EDC3: variants seen among roughly 807,000 people sequenced by gnomAD.
EDC3 encodes enhancer of mRNA-decapping protein 3.
A neutral mutation model predicts 41.8 loss-of-function variants in EDC3; 20 were observed. That is an observed-to-expected ratio of 0.48 (90% CI 0.34 to 0.70). The LOEUF (loss-of-function observed/expected upper bound fraction) is 0.70, where lower values mean the gene tolerates loss of function less well. Ranked by LOEUF, EDC3 falls within the 30% of genes least tolerant of loss-of-function variation. EDC3 has a pLI of 0.01. For missense variants in EDC3, 444 were observed against 636.8 expected (o/e 0.70, Z 3.26); for synonymous variants, 206 against 243.2 (o/e 0.85, Z 1.42).
rs571735124 is a variant in EDC3 at position 74,640,861 on chromosome 15, T to C, written c.821-242A>G. 2.1e-5 allele frequency: 11 copies of C among 517,060 alleles called. No homozygotes were observed. The East Asian group carries it at 3.9e-4, about 18-fold the overall frequency. The allele number at this position is 517,060 out of a possible 1,614,324, so 32.0% of individuals were successfully genotyped here. On this transcript the variant is annotated intron_variant, in intron 4 of 6. Transcript: ENST00000315127. The stretch of plus-strand genomic sequence containing the variant: ...GAGTGGGGACAAACTTAAGCTCCCT[T>C]AGCAATTTAGCTTTAGACCACAAAG...
chr15:74,693,971 A>G (rs2063037765), intron 1 of EDC3, among the ~76,000 whole-genome samples: 1 of 151,514 alleles, frequency 6.6e-6, no homozygotes, highest in Non-Finnish European at 1.5e-5. Context: ...TGGGCAATGG[A>G]GTGAGACTCC....
chr15:74,678,335 T>A (rs1567178001), intron 1 of EDC3, among the ~76,000 whole-genome samples: 1 of 152,038 alleles, frequency 6.6e-6, no homozygotes, highest in African/African-American at 2.4e-5. Flanking sequence ...GGGACAACAG[T>A]GAGATATATG....
intron 4 of EDC3, among the ~76,000 whole-genome samples, chr15:74,648,300 T>C (rs2062440498): frequency 6.6e-6 from 1 of 152,168 alleles, no homozygotes; most frequent in African/African-American, 2.4e-5. Flanking sequence ...AAGCCTTAGA[T>C]TACTTCTAGA....
Position 74,644,872 on chromosome 15 carries a change from C to T in EDC3, c.821-4253G>A, listed in dbSNP as rs190834505. The T allele has an allele frequency of 1.4e-4, 22 of 152,216 alleles. No individual in the cohort carries two copies. In the East Asian group the frequency reaches 4.3e-3, roughly 29 times the overall value. The allele number at this position is 152,216 out of a possible 1,614,324, so 9.4% of individuals were successfully genotyped here. ...TACGAGGAAGAAATCTGGTGGTCAA[C>T]ACCTTACCAAGTGGTCAAACAGCCC... is the stretch of plus-strand genomic sequence containing the variant. On this transcript the variant is annotated intron_variant, in intron 4 of 6. Transcript: ENST00000315127.
rs753131832 is a variant in EDC3, at chr15:74,656,025, T to C, written c.528A>G (p.Lys176=). The change falls in exon 4 of 7, where the codon AAA becomes AAG. Residue 176 remains lysine, a synonymous_variant. Transcript: ENST00000315127. ...TCATCTGGCCATTCTTTAAACCACTTTTCTTGGGAGTTGCCTGATTTGGGT... is the reference window on the plus strand; with the variant it reads ...TCATCTGGCCATTCTTTAAACCACTCTTCTTGGGAGTTGCCTGATTTGGGT... ...SRHPNQATPK[K]SGLKNGQMKN... 2.2e-5 allele frequency: 35 copies of C among 1,613,124 alleles called. No individual in the cohort carries two copies. Among genetic ancestry groups the C allele is most frequent in the Non-Finnish European group, 2.9e-5 (34 of 1,179,540 alleles).
intron 3 of EDC3, among the ~76,000 whole-genome samples, chr15:74,670,999 C>T (rs1012568090): frequency 1.3e-5 from 2 of 152,106 alleles, no homozygotes; most frequent in Admixed American, 1.3e-4. Flanking sequence ...AACTCAAACA[C>T]TACTACCAAC....
intron 1 of EDC3, among the ~76,000 whole-genome samples, chr15:74,687,992 C>T (rs551520508): frequency 6.6e-6 from 1 of 152,278 alleles, no homozygotes; most frequent in South Asian, 2.1e-4. Context: ...GAATTTTTAA[C>T]ACTTTGAAAA....
At chr15:74,661,746 A>AG (rs2062623989) in intron 3 of EDC3, among the ~76,000 whole-genome samples, 1 of 151,064 alleles carries the variant, frequency 6.6e-6, no homozygotes, top group Non-Finnish European at 1.5e-5. Flanking sequence ...AAAAAAAAGA[A>AG]AAAGAAAAAG....
chr15:74,674,272 T>G (rs908306483), intron 2 of EDC3, among the ~76,000 whole-genome samples: 21 of 152,228 alleles, frequency 1.4e-4, no homozygotes, highest in Admixed American at 6.5e-4. Flanking sequence ...ACCCAGCTAA[T>G]TTTTAAAATT....
rs910826611 is a variant in EDC3, at chr15:74,631,235, C to T, written c.*1377G>A. 6.6e-6 allele frequency: 1 copy of T among 152,462 alleles called. No individual in the cohort carries two copies. Among genetic ancestry groups the T allele is most frequent in the African/African-American group, 2.4e-5 (1 of 41,480 alleles). The allele number at this position is 152,462 out of a possible 1,614,324, so 9.4% of individuals were successfully genotyped here. On this transcript the variant is annotated 3_prime_UTR_variant, in exon 7 of 7. Transcript: ENST00000315127. ...CCAGGGCCTACCCTATGTCCACAATCCTTGGTGAGCCCTTCTGTCCACCCA... is the reference window on the plus strand; with the variant it reads ...CCAGGGCCTACCCTATGTCCACAATTCTTGGTGAGCCCTTCTGTCCACCCA...
At chr15:74,633,936 T>C (rs961097621) in intron 6 of EDC3, among the ~76,000 whole-genome samples, 3 of 152,080 alleles carry the variant, frequency 2.0e-5, no homozygotes, top group Non-Finnish European at 4.4e-5. Flanking sequence ...GAGAGTGGCA[T>C]CCTATCTTCT....
chr15:74,683,785 A>C (rs1331221822), intron 1 of EDC3, among the ~76,000 whole-genome samples: 2 of 152,198 alleles, frequency 1.3e-5, no homozygotes, highest in African/African-American at 4.8e-5. Flanking sequence ...ATGTATAATC[A>C]TATCAATAAA....
chr15:74,645,952 A>AG (rs1452972304), intron 4 of EDC3, among the ~76,000 whole-genome samples: 2 of 152,180 alleles, frequency 1.3e-5, no homozygotes, highest in Admixed American at 1.3e-4. Context: ...ATAGAGTAAC[A>AG]GTACATCAAG....
chr15:74,664,096 T>C (rs2062652460), intron 3 of EDC3, among the ~76,000 whole-genome samples: 1 of 152,164 alleles, frequency 6.6e-6, no homozygotes, highest in African/African-American at 2.4e-5. Context: ...GAAAGCAGAG[T>C]GTGAAAAATA....
At chr15:74,693,894 GA>G (rs1567186964) in intron 1 of EDC3, among the ~76,000 whole-genome samples, 1 of 151,942 alleles carries the variant, frequency 6.6e-6, no homozygotes, top group African/African-American at 2.4e-5. Context: ...TGAGGCAGGA[GA>G]ATCGCTTGAA....
At chr15:74,680,437 C>T (rs1190266003) in intron 1 of EDC3, among the ~76,000 whole-genome samples, 1 of 151,982 alleles carries the variant, frequency 6.6e-6, no homozygotes, top group African/African-American at 2.4e-5. Context: ...TTGACAAAAT[C>T]GAACACCCAT....
chr15:74,653,822 C>T (rs1450003156), intron 4 of EDC3, among the ~76,000 whole-genome samples: 1 of 152,150 alleles, frequency 6.6e-6, no homozygotes, highest in Non-Finnish European at 1.5e-5. Flanking sequence ...AAAATTTCTA[C>T]CTCTGCTTTT....
At chr15:74,682,056 G>T (rs2062875752) in intron 1 of EDC3, among the ~76,000 whole-genome samples, 2 of 152,172 alleles carry the variant, frequency 1.3e-5, no homozygotes, top group Non-Finnish European at 2.9e-5. Context: ...AACACCAAGT[G>T]CTAGTAAGAA....
At position 74,671,326 on chromosome 15, in the gene EDC3, T is replaced by C; in HGVS notation, c.484+129A>G. ...CCTGGAGGAAGAGAACCATGTTGTA[T>C]TTCTGTGACGCTCAGCCAGCATCCA... On this transcript the variant is annotated intron_variant, in intron 3 of 6. Transcript: ENST00000315127. The surrounding 1 kb of genome is among the most constrained non-coding windows in gnomAD (Gnocchi z 4.6). The C allele has an allele frequency of 9.4e-7, 1 of 1,068,644 alleles. No individual in the cohort carries two copies. The highest frequency in any genetic ancestry group is 1.4e-6 in the Non-Finnish European group (1 of 738,494). 66.2% of individuals were successfully genotyped at this position (1,068,644 alleles called of 1,614,324 possible).
Sources: allele counts gnomAD v4.1 joint callset (sites outside exome capture counted in the v4.1 genomes callset), GRCh38; gene constraint gnomAD v4.1.1; non-coding constraint Gnocchi (gnomAD v3.1); transcripts MANE v1.5; gene names NCBI Gene and HGNC (gene_info 2026-07-23, HGNC 2026-07-21).